NAA11: variants seen among roughly 807,000 people sequenced by gnomAD.
NAA11 encodes the protein N-alpha-acetyltransferase 11.
A neutral mutation model predicts 16.1 loss-of-function variants in NAA11; 15 were observed. The ratio of observed to expected loss-of-function variants is 0.93; its 90% CI spans 0.62 to 1.44. The LOEUF (loss-of-function observed/expected upper bound fraction) is 1.44, where lower values mean the gene tolerates loss of function less well. Among genes scored for constraint, NAA11 ranks in the 40% most tolerant of loss-of-function variants. The pLI, the probability that NAA11 is intolerant of heterozygous loss-of-function variation, is 0.00. For synonymous variants in NAA11, 122 were observed against 112.4 expected, an observed-to-expected ratio of 1.09 and a Z score of -0.54; for missense variants, 298 against 291.3, an observed-to-expected ratio of 1.02 and a Z score of -0.17.
intron 2 of NAA11, chr4:79,258,694 C>G (rs1722180927): frequency 6.6e-6 from 1 of 152,246 alleles, no homozygotes; most frequent in Admixed American, 6.5e-5. Flanking sequence ...GCAATGAGGC[C>G]CCACCTTCAG....
At chr4:79,193,392 A>G in the NAA11 span, among the ~76,000 whole-genome samples, 2 of 152,178 alleles carry the variant, frequency 1.3e-5, no homozygotes, top group East Asian at 1.9e-4. Flanking sequence ...ATCTTGAATT[A>G]ATTTTTGTAT....
chr4:79,219,469 T>C, the NAA11 span, among the ~76,000 whole-genome samples: 1 of 152,208 alleles, frequency 6.6e-6, no homozygotes, highest in African/African-American at 2.4e-5. Context: ...CATTTTTCTT[T>C]TATTATCCGT....
At chr4:79,187,824 G>A in the NAA11 span, among the ~76,000 whole-genome samples, 549 of 150,646 alleles carry the variant, frequency 3.6e-3, 1 homozygote, top group African/African-American at 0.013. Context: ...GTGAAACCCC[G>A]TCACTACTAA....
chr4:79,314,641 TAAAAA>T (rs375245497), downstream of NAA11, among the ~76,000 whole-genome samples: 4,636 of 98,060 alleles, frequency 0.047, 113 homozygotes, highest in East Asian at 0.11. Context: ...TCCTTAAAAT[TAAAAA>T]AAAAAAAAAA....
At chr4:79,298,918 T>C (rs1723307489) in intron 1 of NAA11, 1 of 152,268 alleles carries the variant, frequency 6.6e-6, no homozygotes, top group Non-Finnish European at 1.5e-5. Flanking sequence ...TACTTGACTA[T>C]ATTTTATTTC....
the NAA11 span, among the ~76,000 whole-genome samples, chr4:79,194,244 T>C: frequency 6.6e-6 from 1 of 152,174 alleles, no homozygotes; most frequent in Non-Finnish European, 1.5e-5. Context: ...ATTGAATCTA[T>C]AAATTGCTTT....
At chr4:79,246,019 G>C (rs924749897) in intron 2 of NAA11, among the ~76,000 whole-genome samples, 3 of 152,178 alleles carry the variant, frequency 2.0e-5, no homozygotes. Context: ...ACTCCATTTT[G>C]TTCTGTACTA....
intron 2 of NAA11, among the ~76,000 whole-genome samples, chr4:79,266,546 C>T (rs752044108): frequency 1.3e-5 from 2 of 152,184 alleles, no homozygotes; most frequent in Non-Finnish European, 2.9e-5. Context: ...TACAGTTTGG[C>T]GTGCTGGTCC....
At chr4:79,161,551 A>T in the NAA11 span, among the ~76,000 whole-genome samples, 1 of 152,198 alleles carries the variant, frequency 6.6e-6, no homozygotes, top group African/African-American at 2.4e-5. Context: ...GTCAATATCC[A>T]CAAAACAGGA....
intron 2 of NAA11, among the ~76,000 whole-genome samples, chr4:79,255,397 A>AT (rs1371233817): frequency 1.3e-5 from 2 of 152,042 alleles, no homozygotes; most frequent in Non-Finnish European, 2.9e-5. Context: ...TTTTATTAGT[A>AT]TTTGTGTGCT....
chr4:79,303,076 T>TATATATATA (rs1553896048), intron 1 of NAA11, among the ~76,000 whole-genome samples: 1 of 67,524 alleles, frequency 1.5e-5, no homozygotes, highest in Non-Finnish European at 2.9e-5. Context: ...TTGAGGCCTT[T>TATATATATA]TATATATATA....
intron 2 of NAA11, among the ~76,000 whole-genome samples, chr4:79,269,986 T>G (rs1256187450): frequency 1.3e-5 from 2 of 152,022 alleles, no homozygotes; most frequent in African/African-American, 4.8e-5. Flanking sequence ...CTTGTTTTTC[T>G]CAGGTTTGTC....
At chr4:79,272,247 T>C (rs1403783602) in intron 2 of NAA11, among the ~76,000 whole-genome samples, 1 of 152,062 alleles carries the variant, frequency 6.6e-6, no homozygotes, top group Non-Finnish European at 1.5e-5. Context: ...CCCAATAGCA[T>C]CTACAGATTC....
chr4:79,259,490 C>T (rs912555801), intron 2 of NAA11, among the ~76,000 whole-genome samples: 3 of 152,206 alleles, frequency 2.0e-5, no homozygotes, highest in Non-Finnish European at 4.4e-5. Context: ...CACTCACTCA[C>T]ACTACCCCTC....
At chr4:79,200,864 C>T in the NAA11 span, among the ~76,000 whole-genome samples, 1 of 151,402 alleles carries the variant, frequency 6.6e-6, no homozygotes, top group African/African-American at 2.4e-5. Context: ...AAATTGGTTT[C>T]CACTGCACTT....
At chr4:79,320,605 C>T (rs1373559138) in intron 1 of NAA11, among the ~76,000 whole-genome samples, 1 of 152,156 alleles carries the variant, frequency 6.6e-6, no homozygotes, top group Non-Finnish European at 1.5e-5. Context: ...AAATGAAACA[C>T]ATCATTAACA....
chr4:79,309,994 C>T (rs1377361075), intron 1 of NAA11, among the ~76,000 whole-genome samples: 3 of 152,100 alleles, frequency 2.0e-5, no homozygotes, highest in African/African-American at 7.2e-5. Flanking sequence ...GGATTACAGG[C>T]GTGAGCCACC....
chr4:79,180,663 A>G, the NAA11 span, among the ~76,000 whole-genome samples: 2 of 152,204 alleles, frequency 1.3e-5, no homozygotes, highest in African/African-American at 4.8e-5. Context: ...ATTGTGGAAG[A>G]CAGTGTGGCG....
chr4:79,250,051 C>A (rs1279159834), intron 2 of NAA11, among the ~76,000 whole-genome samples: 1 of 152,220 alleles, frequency 6.6e-6, no homozygotes. Flanking sequence ...GAGCTGTCAT[C>A]CCCAGCCAAG....
Sources: allele counts gnomAD v4.1 joint callset (sites outside exome capture counted in the v4.1 genomes callset), GRCh38; gene constraint gnomAD v4.1.1; transcripts MANE v1.5; gene names NCBI Gene and HGNC (gene_info 2026-07-23, HGNC 2026-07-21).